The following CAST variants were observed in gnomAD, a reference collection of about 807,000 sequenced individuals.
CAST encodes calpastatin.
In CAST, 76 loss-of-function variants were observed where a neutral mutation model predicts 119.6. That is an observed-to-expected ratio of 0.64 (90% CI 0.53 to 0.77). The LOEUF (loss-of-function observed/expected upper bound fraction) is 0.77. Ranked by LOEUF, CAST falls within the 30% of genes least tolerant of loss-of-function variation. The pLI is 0.00. For missense variants in CAST, 953 were observed against 946.5 expected, an observed-to-expected ratio of 1.01 and a Z score of -0.09; for synonymous variants, 319 against 331.6, an observed-to-expected ratio of 0.96 and a Z score of 0.41.
At chr5:96,402,577 G>A in the CAST span, among the ~76,000 whole-genome samples, 1 of 152,208 alleles carries the variant, frequency 6.6e-6, no homozygotes. Flanking sequence ...CCTTTTGTTC[G>A]GGGCTCCCTC....
intron 1 of CAST, among the ~76,000 whole-genome samples, chr5:96,645,198 C>G (rs1747999361): frequency 6.6e-6 from 1 of 152,056 alleles, no homozygotes; most frequent in African/African-American, 2.4e-5. Context: ...TGTAAAATAT[C>G]TCTCGATATG....
chr5:96,587,607 G>A (rs887327361), intron 1 of CAST, among the ~76,000 whole-genome samples: 1 of 152,154 alleles, frequency 6.6e-6, no homozygotes, highest in Non-Finnish European at 1.5e-5. Flanking sequence ...TAGGAAATGG[G>A]TAACCAATAA....
chr5:96,049,451 T>G, the CAST span, among the ~76,000 whole-genome samples: 8 of 152,212 alleles, frequency 5.3e-5, no homozygotes, highest in East Asian at 1.4e-3. Context: ...TTAAGGCAAA[T>G]GCAATGGGAA....
At chr5:96,082,254 A>T in the CAST span, among the ~76,000 whole-genome samples, 1 of 152,182 alleles carries the variant, frequency 6.6e-6, no homozygotes, top group African/African-American at 2.4e-5. Context: ...GCAAGTGCTG[A>T]CACAGAGGAG....
the CAST span, among the ~76,000 whole-genome samples, chr5:96,016,842 T>G: frequency 9.7e-5 from 14 of 144,068 alleles, no homozygotes; most frequent in African/African-American, 3.6e-4. Flanking sequence ...TTTTTTTTTT[T>G]TTTTTTTTTT....
the CAST span, among the ~76,000 whole-genome samples, chr5:96,000,053 CT>C: frequency 6.6e-6 from 1 of 152,084 alleles, no homozygotes; most frequent in Non-Finnish European, 1.5e-5. Context: ...TGCATATCTT[CT>C]TTAGTGAAAT....
intron 1 of CAST, among the ~76,000 whole-genome samples, chr5:96,640,848 G>T (rs1378393781): frequency 6.6e-6 from 1 of 152,212 alleles, no homozygotes; most frequent in Non-Finnish European, 1.5e-5. Flanking sequence ...AAAGGGGGCA[G>T]ACCTTTGCAG....
At chr5:96,121,361 A>G in the CAST span, among the ~76,000 whole-genome samples, 1 of 152,082 alleles carries the variant, frequency 6.6e-6, no homozygotes. Flanking sequence ...GGCTGCTAGG[A>G]CTATTAAATA....
the CAST span, among the ~76,000 whole-genome samples, chr5:96,238,234 A>G: frequency 6.6e-6 from 1 of 152,020 alleles, no homozygotes; most frequent in Non-Finnish European, 1.5e-5. Context: ...ACATCACACT[A>G]TATTTAGGCA....
At chr5:96,612,672 T>G (rs1476601466) in intron 1 of CAST, among the ~76,000 whole-genome samples, 2 of 152,194 alleles carry the variant, frequency 1.3e-5, no homozygotes, top group Non-Finnish European at 2.9e-5. Flanking sequence ...TATCAAATCT[T>G]TTACTTTATA....
the CAST span, among the ~76,000 whole-genome samples, chr5:96,457,054 G>A: frequency 6.6e-6 from 1 of 151,996 alleles, no homozygotes; most frequent in Non-Finnish European, 1.5e-5. Context: ...ACCCAGTCTC[G>A]AGTATGTCTT....
chr5:96,146,818 A>G, the CAST span, among the ~76,000 whole-genome samples: 1 of 152,208 alleles, frequency 6.6e-6, no homozygotes, highest in East Asian at 1.9e-4. Flanking sequence ...TGTCTGTGTC[A>G]GTATACCATC....
chr5:96,505,680 G>A, the CAST span, among the ~76,000 whole-genome samples: 1 of 152,128 alleles, frequency 6.6e-6, no homozygotes, highest in African/African-American at 2.4e-5. Flanking sequence ...GCCTGAAGGG[G>A]CCTCTTTCAG....
chr5:96,743,204 A>G (rs146280381), intron 16 of CAST, among the ~76,000 whole-genome samples: 61 of 152,318 alleles, frequency 4.0e-4, no homozygotes, highest in Non-Finnish European at 7.8e-4. Context: ...AAATCAAGCA[A>G]CAATTACCCT....
the CAST span, among the ~76,000 whole-genome samples, chr5:96,378,938 G>C: frequency 1.3e-5 from 2 of 152,032 alleles, no homozygotes; most frequent in East Asian, 3.9e-4. Context: ...TTTAAAAATA[G>C]TTATTACAAA....
chr5:96,268,969 G>T, the CAST span, among the ~76,000 whole-genome samples: 4 of 152,148 alleles, frequency 2.6e-5, no homozygotes, highest in Non-Finnish European at 5.9e-5. Context: ...TGGTTTAAAA[G>T]TGTGGCAGTT....
chr5:96,751,806 A>G (rs1040750949), intron 20 of CAST, among the ~76,000 whole-genome samples: 1 of 152,310 alleles, frequency 6.6e-6, no homozygotes, highest in African/African-American at 2.4e-5. Flanking sequence ...AGAGGGCTCA[A>G]TTCCTTTTCA....
chr5:96,647,786 T>C (rs1240702167), intron 1 of CAST, among the ~76,000 whole-genome samples: 2 of 152,168 alleles, frequency 1.3e-5, no homozygotes, highest in Admixed American at 6.6e-5. Flanking sequence ...AGAAAGAGCA[T>C]GGCCCTGCGT....
At chr5:96,079,089 TA>T in the CAST span, 22 of 382,354 alleles carry the variant, frequency 5.8e-5, no homozygotes, top group East Asian at 1.6e-4. Flanking sequence ...CACTTAAAGT[TA>T]AAAAAAAACC....
Sources: allele counts gnomAD v4.1 joint callset (sites outside exome capture counted in the v4.1 genomes callset), GRCh38; gene constraint gnomAD v4.1.1; transcripts MANE v1.5; gene names NCBI Gene and HGNC (gene_info 2026-07-23, HGNC 2026-07-21).